Variants in EDIL3 observed in about 807,000 individuals in gnomAD.
EDIL3 encodes EGF like and discoidin domains 3, also known as EGF-like repeat and discoidin I-like domain-containing protein 3.
A neutral mutation model predicts 67.4 loss-of-function variants in EDIL3; 37 were observed. The observed-to-expected ratio is 0.55, with a 90% CI of 0.42 to 0.72. EDIL3 has a LOEUF of 0.72. Among genes scored for constraint, EDIL3 ranks in the 30% least tolerant of loss-of-function variants. EDIL3 has a pLI of 0.00. For synonymous variants in EDIL3, 195 were observed against 196.3 expected, an observed-to-expected ratio of 0.99 and a Z score of 0.05; for missense variants, 527 against 586.3, an observed-to-expected ratio of 0.90 and a Z score of 1.04.
chr5:84,108,242 A>AT (rs1188582101), intron 5 of EDIL3, among the ~76,000 whole-genome samples: 1 of 152,034 alleles, frequency 6.6e-6, no homozygotes, highest in African/African-American at 2.4e-5. Flanking sequence ...TGTCATAAAC[A>AT]TGGTAAGTAG....
chr5:84,039,221 T>C (rs1435246302), intron 9 of EDIL3, among the ~76,000 whole-genome samples: 5 of 152,276 alleles, frequency 3.3e-5, no homozygotes, highest in African/African-American at 9.6e-5. Context: ...AAATGTCATT[T>C]AGAGTCATTC....
At chr5:84,090,908 A>C (rs1747154810) in intron 6 of EDIL3, among the ~76,000 whole-genome samples, 1 of 151,832 alleles carries the variant, frequency 6.6e-6, no homozygotes, top group Non-Finnish European at 1.5e-5. Flanking sequence ...AGATTGCACC[A>C]CTGCACTCCA....
intron 9 of EDIL3, among the ~76,000 whole-genome samples, chr5:83,969,942 C>T (rs1170397970): frequency 2.0e-5 from 3 of 151,538 alleles, no homozygotes; most frequent in Non-Finnish European, 3.0e-5. Flanking sequence ...TAATATATTA[C>T]AGTCAACTAT....
At chr5:84,078,396 G>A (rs556509182) in intron 6 of EDIL3, among the ~76,000 whole-genome samples, 168 of 152,212 alleles carry the variant, frequency 1.1e-3, no homozygotes, top group Non-Finnish European at 1.8e-3. Flanking sequence ...ATAAGAATAT[G>A]TGAAAAAGAA....
At chr5:83,973,296 G>C (rs1744823134) in intron 9 of EDIL3, among the ~76,000 whole-genome samples, 1 of 152,028 alleles carries the variant, frequency 6.6e-6, no homozygotes, top group African/African-American at 2.4e-5. Context: ...TTTAATACAA[G>C]TTTTTGATCA....
At chr5:83,965,874 G>A (rs1290811759) in intron 9 of EDIL3, among the ~76,000 whole-genome samples, 1 of 151,808 alleles carries the variant, frequency 6.6e-6, no homozygotes, top group African/African-American at 2.4e-5. Flanking sequence ...TAAAATTTGC[G>A]ACATTAAACT....
chr5:84,257,010 A>T (rs566491009), intron 1 of EDIL3, among the ~76,000 whole-genome samples: 1 of 152,344 alleles, frequency 6.6e-6, no homozygotes, highest in Non-Finnish European at 1.5e-5. Flanking sequence ...TCATATTTAC[A>T]TATTTACCTA....
intron 9 of EDIL3, among the ~76,000 whole-genome samples, chr5:83,984,841 G>A (rs1241282168): frequency 3.3e-5 from 5 of 151,934 alleles, no homozygotes; most frequent in African/African-American, 1.2e-4. Context: ...GACAGCTTAG[G>A]TGTTTTGTTG....
chr5:84,200,654 C>T (rs1379518514), intron 3 of EDIL3, among the ~76,000 whole-genome samples: 1 of 151,966 alleles, frequency 6.6e-6, no homozygotes, highest in Non-Finnish European at 1.5e-5. Flanking sequence ...TTTAACAAAA[C>T]TAATTAGTCA....
intron 3 of EDIL3, among the ~76,000 whole-genome samples, chr5:84,207,622 C>T (rs1199330547): frequency 6.6e-6 from 1 of 150,978 alleles, no homozygotes; most frequent in Non-Finnish European, 1.5e-5. Flanking sequence ...AAGCTGGAGG[C>T]ATCACACTAC....
intron 1 of EDIL3, among the ~76,000 whole-genome samples, chr5:84,294,384 CAAAAAAAAAA>C (rs1173407354): frequency 3.1e-5 from 1 of 31,808 alleles, no homozygotes; most frequent in Admixed American, 3.4e-4. Flanking sequence ...GACTCTGTCT[CAAAAAAAAAA>C]AAAAAAAAAA....
chr5:84,068,052 T>C (rs534543051), intron 6 of EDIL3, among the ~76,000 whole-genome samples: 1 of 152,220 alleles, frequency 6.6e-6, no homozygotes, highest in Non-Finnish European at 1.5e-5. Context: ...ATGTAAATTT[T>C]ACTTACTACT....
At chr5:83,957,792 G>A (rs1384732776) in intron 10 of EDIL3, among the ~76,000 whole-genome samples, 2 of 151,450 alleles carry the variant, frequency 1.3e-5, no homozygotes, top group South Asian at 2.1e-4. Context: ...CCAAATAAAC[G>A]GATTAAATCA....
chr5:84,365,170 A>T (rs1561269705), intron 1 of EDIL3, among the ~76,000 whole-genome samples: 1 of 152,086 alleles, frequency 6.6e-6, no homozygotes, highest in Non-Finnish European at 1.5e-5. Context: ...AATAAATTTG[A>T]ACTGCTAAAA....
At chr5:83,972,156 A>C (rs765315051) in intron 9 of EDIL3, among the ~76,000 whole-genome samples, 2 of 152,172 alleles carry the variant, frequency 1.3e-5, no homozygotes, top group East Asian at 3.9e-4. Context: ...TTTAGGATTA[A>C]GTAAGCTAAT....
intron 9 of EDIL3, among the ~76,000 whole-genome samples, chr5:84,020,937 G>A (rs1745703834): frequency 6.6e-6 from 1 of 151,936 alleles, no homozygotes; most frequent in African/African-American, 2.4e-5. Context: ...AGAAGTAAAA[G>A]TAAGTCAGAG....
Position 84,195,296 on chromosome 5 carries a change from A to C in EDIL3, c.227-14775T>G, listed in dbSNP as rs111738500. Among the ~76,000 whole-genome samples the C allele has an allele frequency of 2.4e-3, 360 of 152,116 alleles. 2 individuals are homozygous for C. The highest frequency in any genetic ancestry group is 8.2e-3 in the African/African-American group (342 of 41,554). On this transcript the variant is annotated intron_variant, in intron 3 of 10. Coordinates refer to ENST00000296591, the MANE Select transcript of EDIL3 (RefSeq NM_005711.5). ...AATATCTTAAATAATTAGGGAAGTT[A>C]CTATAAATATTAGAGAAGTTATTAT...
chr5:84,180,673 T>C (rs562603620), intron 3 of EDIL3, 152 bp from the exon 4 acceptor site: 2 of 896,364 alleles, frequency 2.2e-6, no homozygotes, highest in East Asian at 3.1e-5. Context: ...TGGAGACTAA[T>C]GGCCTGGGTT....
chr5:84,301,804 A>C (rs997487631), intron 1 of EDIL3, among the ~76,000 whole-genome samples: 1 of 152,184 alleles, frequency 6.6e-6, no homozygotes, highest in African/African-American at 2.4e-5. Flanking sequence ...GACTGGTCCA[A>C]AGTAAATAGA....
Sources: gnomAD v4.1 joint callset for allele counts (sites outside exome capture counted in the v4.1 genomes callset) on GRCh38, gnomAD v4.1.1 for gene constraint, MANE v1.5 for transcripts, NCBI Gene and HGNC (gene_info 2026-07-23, HGNC 2026-07-21) for gene names.